Variants in ZC3HAV1 observed in about 807,000 individuals in gnomAD.
ZC3HAV1 encodes the protein zinc finger CCCH-type antiviral protein 1.
ZC3HAV1 carries 41 observed loss-of-function variants against 86.6 expected under a neutral mutation model. That is an observed-to-expected ratio of 0.47 (90% CI 0.37 to 0.61). ZC3HAV1 has a LOEUF of 0.61. ZC3HAV1 is among the 20% of genes least tolerant of loss of function. ZC3HAV1 has a pLI of 0.00. For synonymous variants in ZC3HAV1, 421 were observed against 432.1 expected (o/e 0.97, Z 0.32); for missense variants, 964 against 1,141.1 (o/e 0.84, Z 2.24).
rs1815956979 is a variant in ZC3HAV1 at position 139,046,467 on chromosome 7, A to T, written c.*1127T>A. On this transcript the variant is annotated 3_prime_UTR_variant, in exon 13 of 13. Transcript: ENST00000242351. ...TCATGAAAAGCCTGACCTGAGAAAA[A>T]GCCTTCTCTGTAATCATATTAATTA... The T allele has an allele frequency of 6.6e-6, 1 of 152,224 alleles. No homozygotes were observed. The highest frequency in any genetic ancestry group is 1.5e-5 in the Non-Finnish European group (1 of 68,046). The allele number at this position is 152,224 out of a possible 1,614,324, so 9.4% of individuals were successfully genotyped here. A position where few individuals can be genotyped will look rare whatever the true frequency, so the allele number is the denominator to read the frequency against.
chr7:139,066,127 C>T (rs111442643), intron 7 of ZC3HAV1, among the ~76,000 whole-genome samples: 3 of 152,128 alleles, frequency 2.0e-5, no homozygotes, highest in African/African-American at 4.8e-5. Context: ...CCCCTAGCAG[C>T]AGGGGTTCCC....
intron 1 of ZC3HAV1, among the ~76,000 whole-genome samples, chr7:139,103,452 G>A (rs542348655): frequency 1.3e-5 from 2 of 151,800 alleles, no homozygotes; most frequent in Non-Finnish European, 2.9e-5. Context: ...AAAGCCTTCC[G>A]ACTGGCATAA....
intron 12 of ZC3HAV1, among the ~76,000 whole-genome samples, chr7:139,048,463 G>A (rs537342299): frequency 4.3e-4 from 66 of 151,812 alleles, no homozygotes; most frequent in South Asian, 1.3e-3. Context: ...AAAATTAGCC[G>A]GGCATGGTGG....
chr7:139,053,931 T>G lies in ZC3HAV1; in HGVS notation c.2318+34A>C, dbSNP rs759941516. ...GGATATTAACTAATCCTTTCCGGTTTTATGTAAAGAAACACGATAACGTGG... is the reference window on the plus strand; with the variant it reads ...GGATATTAACTAATCCTTTCCGGTTGTATGTAAAGAAACACGATAACGTGG... On this transcript the variant is annotated intron_variant, in intron 11 of 12. Coordinates refer to ENST00000242351, the MANE Select transcript of ZC3HAV1 (RefSeq NM_020119.4). 5.7e-6 allele frequency: 9 copies of G among 1,590,272 alleles called. No individual in the cohort carries two copies. In the South Asian group the frequency reaches 9.4e-5, roughly 17 times the overall value.
At chr7:139,100,149 C>T (rs966195911) in intron 1 of ZC3HAV1, among the ~76,000 whole-genome samples, 11 of 151,652 alleles carry the variant, frequency 7.3e-5, no homozygotes, top group African/African-American at 2.7e-4. Context: ...GAATAAGAAG[C>T]AACTACTAAG....
chr7:139,057,835 C>T lies in ZC3HAV1; in HGVS notation c.2097-2540G>A, dbSNP rs1217480878. The stretch of plus-strand genomic sequence containing the variant: ...GATTACAGACGTGAGCCACCGCGCC[C>T]GGCCAACAATTACATTTTAAAAAAT... On this transcript the variant is annotated intron_variant, in intron 9 of 12. Coordinates refer to ENST00000242351, the MANE Select transcript of ZC3HAV1 (RefSeq NM_020119.4). Among the ~76,000 whole-genome samples, 18 of 21,546 alleles carry T rather than the reference C, an allele frequency of 8.4e-4. 7 individuals are homozygous for T. Among genetic ancestry groups the T allele is most frequent in the Admixed American group, 1.2e-3 (3 of 2,604 alleles). The allele number at this position is 21,546 out of a possible 152,430, so 14.1% of individuals were successfully genotyped here.
Position 139,076,322 on chromosome 7 carries a change from G to A in ZC3HAV1, c.1661C>T (p.Thr554Met), listed in dbSNP as rs752678784. ...GGGGTTACAGTAGCCTTTCTCGATC[G>A]TCTCCATGTGCTCAAAGTCCGTCCA... ...KTWTDFEHMETIEKGYCNPGI... is the reference protein window; with the variant it reads ...KTWTDFEHMEMIEKGYCNPGI... The change falls in exon 6 of 13, where the codon ACG (threonine) becomes ATG (methionine). Residue 554 changes from threonine to methionine, a missense_variant. Transcript: ENST00000242351. The A allele has an allele frequency of 8.2e-5, 133 of 1,613,968 alleles. No homozygotes were observed. Among genetic ancestry groups the A allele is most frequent in the Non-Finnish European group, 1.1e-4 (125 of 1,180,030 alleles).
chr7:139,092,935 T>C (rs757229741), intron 1 of ZC3HAV1, among the ~76,000 whole-genome samples: 36 of 152,228 alleles, frequency 2.4e-4, no homozygotes, highest in Non-Finnish European at 4.1e-4. Flanking sequence ...CCACATTCCC[T>C]AGACTTCTCC....
Position 139,079,966 on chromosome 7 carries a change from C to A in ZC3HAV1, c.975G>T (p.Gly325=). 6.2e-7 allele frequency: 1 copy of A among 1,614,184 alleles called. No homozygotes were observed. The highest frequency in any genetic ancestry group is 8.5e-7 in the Non-Finnish European group (1 of 1,180,034). ...ATDLGGTSQA[G]TSQRFLENGS... ...CGTTCTCTAAAAACCTCTGGCTTGT[C>A]CCGGCCTGACTTGTTCCTCCAAGAT... The change falls in exon 4 of 13, where the codon GGG becomes GGT. Residue 325 remains glycine (G), a synonymous_variant. Transcript: ENST00000242351.
chr7:139,086,561 A>T (rs1222161972), intron 2 of ZC3HAV1, among the ~76,000 whole-genome samples: 1 of 152,140 alleles, frequency 6.6e-6, no homozygotes, highest in Non-Finnish European at 1.5e-5. Flanking sequence ...GGGATCCCTT[A>T]CACAACAGTG....
chr7:139,101,739 G>A (rs1276698675), intron 1 of ZC3HAV1, among the ~76,000 whole-genome samples: 3 of 151,300 alleles, frequency 2.0e-5, no homozygotes, highest in Non-Finnish European at 2.9e-5. Flanking sequence ...AACATGTGCT[G>A]TGTCCACTCA....
chr7:139,080,420 G>GC (rs1554442826), intron 3 of ZC3HAV1, among the ~76,000 whole-genome samples, 177 bp from the exon 4 acceptor site: 1 of 151,794 alleles, frequency 6.6e-6, no homozygotes, highest in Non-Finnish European at 1.5e-5. Flanking sequence ...GACACTGACG[G>GC]TTTTTTTTGT....
At chr7:139,053,245 A>T (rs1040762817) in intron 12 of ZC3HAV1, among the ~76,000 whole-genome samples, 15 of 152,182 alleles carry the variant, frequency 9.9e-5, no homozygotes, top group African/African-American at 3.1e-4. Flanking sequence ...GAAGACAGGG[A>T]CTAAGGTCCA....
chr7:139,082,540 C>G (rs1817155878), intron 3 of ZC3HAV1, among the ~76,000 whole-genome samples: 1 of 152,148 alleles, frequency 6.6e-6, no homozygotes, highest in African/African-American at 2.4e-5. Flanking sequence ...AAAGTGGTAT[C>G]TGTACACCAT....
chr7:139,053,510 A>G lies in ZC3HAV1; in HGVS notation c.2390T>C (p.Ile797Thr), dbSNP rs778016091. ...GAAACTGTCAAAATTATTCGAACAG[A>G]TAGATTCCACATAGGCACGGCTTGT... ...YATSRAYVES[I>T]CSNNFDSFLH... is the part of the protein sequence containing the mutation. Residue 797 changes from isoleucine (I) to threonine (T), a missense_variant, in exon 12 of 13, where the codon ATC (isoleucine) becomes ACC (threonine). Physicochemically the swap from Ile to Thr is moderately conservative, Grantham distance 89. Transcript: ENST00000242351. 9 of 1,605,464 alleles carry G rather than the reference A, an allele frequency of 5.6e-6. No individual in the cohort carries two copies. Among genetic ancestry groups the G allele is most frequent in the Non-Finnish European group, 7.6e-6 (9 of 1,177,550 alleles).
chr7:139,061,517 A>G (rs752325066), intron 8 of ZC3HAV1, among the ~76,000 whole-genome samples: 3 of 152,236 alleles, frequency 2.0e-5, no homozygotes, highest in African/African-American at 4.8e-5. Flanking sequence ...TCTTTTCTAC[A>G]TCAAGTGTGA....
chr7:139,087,668 C>CA (rs910369661), intron 2 of ZC3HAV1, among the ~76,000 whole-genome samples: 1 of 152,094 alleles, frequency 6.6e-6, no homozygotes, highest in African/African-American at 2.4e-5. Flanking sequence ...TAGGGAAACA[C>CA]ACTGAGTTCA....
Position 139,066,663 on chromosome 7 carries a change from A to G in ZC3HAV1, c.1873-1664T>C, listed in dbSNP as rs538398169. Among the ~76,000 whole-genome samples the G allele has an allele frequency of 2.6e-5, 4 of 152,310 alleles. No homozygotes were observed. In the East Asian group the frequency reaches 7.7e-4, roughly 29 times the overall value. On this transcript the variant is annotated intron_variant, in intron 7 of 12. Coordinates refer to ENST00000242351, the MANE Select transcript of ZC3HAV1 (RefSeq NM_020119.4). ...CTGCCGTGATTCAATGGTGCCCGGT[A>G]AACCCTATGCCTTCCTCGGGCCAAA...
Position 139,065,017 on chromosome 7 carries a change from A to T in ZC3HAV1, c.1873-18T>A, listed in dbSNP as rs1816557024. On this transcript the variant is annotated intron_variant, in intron 7 of 12. Transcript: ENST00000242351. ...TTGTCTTTCTAATTGGAAAAAAAAT[A>T]AAAGGTAAAGTCAGGGTAGGCTTTT... 1.9e-6 allele frequency: 3 copies of T among 1,613,724 alleles called. No individual in the cohort carries two copies. The Admixed American group carries it at 5.0e-5, about 27-fold the overall frequency.
Sources: allele counts gnomAD v4.1 joint callset (sites outside exome capture counted in the v4.1 genomes callset), GRCh38; gene constraint gnomAD v4.1.1; transcripts MANE v1.5; gene names NCBI Gene and HGNC (gene_info 2026-07-23, HGNC 2026-07-21).